KDM3A: variants seen among roughly 807,000 people sequenced by gnomAD.
KDM3A encodes the protein lysine-specific demethylase 3A.
In KDM3A, 60 loss-of-function variants were observed where a neutral mutation model predicts 158.0. The ratio of observed to expected loss-of-function variants is 0.38; its 90% CI spans 0.31 to 0.47. The LOEUF is 0.47. KDM3A is among the 20% of genes least tolerant of loss of function. The pLI is 0.99. For missense variants in KDM3A, 1,319 were observed against 1,574.3 expected (o/e 0.84, Z 2.74); for synonymous variants, 608 against 549.3 (o/e 1.11, Z -1.49).
chr2:86,441,891 G>C (rs1173167225), intron 1 of KDM3A, 127 bp from the exon 2 acceptor site: 1 of 512,042 alleles, frequency 2.0e-6, no homozygotes, highest in Non-Finnish European at 3.1e-6. Flanking sequence ...AGGGGGGCTC[G>C]GTGCGGGTCC....
In KDM3A at chr2:86,492,129, A is replaced by C; in HGVS notation, c.*10A>C. ...TTTTGGCAAACCTTAATCTCCCTGCACATTGGAAATGAATTACAGGCAGCT... is the reference window on the plus strand; with the variant it reads ...TTTTGGCAAACCTTAATCTCCCTGCCCATTGGAAATGAATTACAGGCAGCT... On this transcript the variant is annotated 3_prime_UTR_variant, in exon 26 of 26. Transcript: ENST00000312912. 6.2e-7 allele frequency: 1 copy of C among 1,601,562 alleles called. No homozygotes were observed. Among genetic ancestry groups the C allele is most frequent in the Non-Finnish European group, 8.6e-7 (1 of 1,168,978 alleles).
At position 86,478,025 on chromosome 2, in the gene KDM3A, A is replaced by G. The variant is rs1476563496; in HGVS notation, c.2088A>G (p.Gln696=). The G allele has an allele frequency of 1.2e-6, 2 of 1,614,060 alleles. No individual in the cohort carries two copies. Among genetic ancestry groups the G allele is most frequent in the African/African-American group, 2.7e-5 (2 of 74,940 alleles). The part of the protein sequence containing the change: ...DCYRMKRKNC[Q]QGAAYKTFSW... ...ACCGGATGAAGAGAAAGAATTGCCA[A>G]CAGGGTGAGAACCGATTTGATTCTC... Residue 696 remains glutamine (Q), a synonymous_variant, in exon 13 of 26, where the codon CAA becomes CAG. Transcript: ENST00000312912.
At chr2:86,464,923 T>C (rs1276724185) in intron 9 of KDM3A, among the ~76,000 whole-genome samples, 1 of 152,120 alleles carries the variant, frequency 6.6e-6, no homozygotes, top group African/African-American at 2.4e-5. Flanking sequence ...ACTGGTTCAC[T>C]GGGAAAAAGT....
At chr2:86,485,401 C>G (rs111385534) in intron 20 of KDM3A, among the ~76,000 whole-genome samples, 33 of 152,314 alleles carry the variant, frequency 2.2e-4, no homozygotes, top group African/African-American at 7.7e-4. Flanking sequence ...CTGGGTAGAT[C>G]TATTTTCCTG....
intron 10 of KDM3A, 64 bp downstream of exon 10, chr2:86,466,947 C>T (rs1673182337): frequency 7.8e-7 from 1 of 1,277,820 alleles, no homozygotes; most frequent in South Asian, 1.5e-5. Context: ...ATATCTCTTT[C>T]TTGTCCTATG....
At chr2:86,473,018 C>T (rs968205006) in intron 11 of KDM3A, among the ~76,000 whole-genome samples, 3 of 152,196 alleles carry the variant, frequency 2.0e-5, no homozygotes, top group African/African-American at 7.2e-5. Flanking sequence ...TCATAGTCAG[C>T]AGTCAGCACT....
At chr2:86,481,031 A>T (rs1333152116) in intron 16 of KDM3A, among the ~76,000 whole-genome samples, 1 of 152,234 alleles carries the variant, frequency 6.6e-6, no homozygotes, top group East Asian at 1.9e-4. Context: ...AAAAGAATTC[A>T]AGTTTTTCAA....
At chr2:86,489,235 C>T in intron 21 of KDM3A, 83 bp from the exon 22 acceptor site, 1 of 1,473,522 alleles carries the variant, frequency 6.8e-7, no homozygotes, top group East Asian at 2.3e-5. Flanking sequence ...AATCAGGGAC[C>T]TACCATCCCC....
chr2:86,464,634 A>G (rs766902169), intron 9 of KDM3A, among the ~76,000 whole-genome samples: 13 of 152,250 alleles, frequency 8.5e-5, no homozygotes, highest in Admixed American at 4.6e-4. Flanking sequence ...ATTTGGCAGT[A>G]GAGAGGACTC....
At chr2:86,485,695 C>CGG (rs757107185) in intron 20 of KDM3A, 34 bp from the exon 21 acceptor site, 1 of 1,606,928 alleles carries the variant, frequency 6.2e-7, no homozygotes, top group Admixed American at 1.7e-5. Context: ...GAAAAGCAAT[C>CGG]TAACTTTGCA....
intron 8 of KDM3A, among the ~76,000 whole-genome samples, chr2:86,459,988 G>C (rs371611526): frequency 6.6e-6 from 1 of 152,174 alleles, no homozygotes; most frequent in South Asian, 2.1e-4. Flanking sequence ...GAAGTCGAAG[G>C]TGGATTTTTA....
At chr2:86,455,294 CTTTTT>C in intron 5 of KDM3A, 107 bp downstream of exon 5, 6 of 538,420 alleles carry the variant, frequency 1.1e-5, no homozygotes, top group Admixed American at 4.1e-5. Flanking sequence ...TTTCTTTTTT[CTTTTT>C]TTTTTTTTTT....
chr2:86,441,903 C>G (rs2104613291), intron 1 of KDM3A, 115 bp from the exon 2 acceptor site: 1 of 764,458 alleles, frequency 1.3e-6, no homozygotes, highest in South Asian at 1.8e-5. Context: ...TGCGGGTCCG[C>G]CCGGGGCCGC....
intron 10 of KDM3A, 50 bp downstream of exon 10, chr2:86,466,933 A>G (rs988428096): frequency 1.2e-5 from 17 of 1,366,594 alleles, no homozygotes; most frequent in Non-Finnish European, 1.7e-5. Flanking sequence ...AATGGTAGAT[A>G]TATATATCTC....
intron 18 of KDM3A, chr2:86,482,952 C>G: frequency 2.2e-6 from 1 of 459,050 alleles, no homozygotes. Flanking sequence ...CGAGGGCATC[C>G]AGGCTTGGTG....
In KDM3A at chr2:86,482,652, G is replaced by A. The variant is rs763627688; in HGVS notation, c.2880G>A (p.Lys960=). 1 of 1,614,108 alleles carries A rather than the reference G, an allele frequency of 6.2e-7. No individual in the cohort carries two copies. Residue 960 remains lysine (K), a synonymous_variant, in exon 18 of 26, where the codon AAG becomes AAA. Transcript: ENST00000312912. Reference sequence around the variant, plus strand: ...TGTGCTTGCAAGACCCCAACAATAAGAGCAACTGGAATGTGTTTAGGGAGT... The same window carrying A: ...TGTGCTTGCAAGACCCCAACAATAAAAGCAACTGGAATGTGTTTAGGGAGT... ...RLLCLQDPNN[K]SNWNVFRECW... is the part of the protein sequence containing the mutation.
At chr2:86,468,958 CCTT>C (rs1471007047) in intron 10 of KDM3A, among the ~76,000 whole-genome samples, 3 of 152,184 alleles carry the variant, frequency 2.0e-5, no homozygotes, top group Admixed American at 1.3e-4. Context: ...GATAAGATAA[CCTT>C]CTTGCCTGTG....
At chr2:86,482,141 G>A in intron 17 of KDM3A, 39 bp downstream of exon 17, 1 of 1,590,092 alleles carries the variant, frequency 6.3e-7, no homozygotes, top group Non-Finnish European at 8.6e-7. Context: ...TTTTAAAGTT[G>A]AAGACAGAAC....
intron 16 of KDM3A, 110 bp downstream of exon 16, chr2:86,480,472 AG>A (rs1486266080): frequency 1.1e-6 from 1 of 902,646 alleles, no homozygotes; most frequent in Non-Finnish European, 1.7e-6. Context: ...GCTTCTCTGG[AG>A]TCATCCTGGA....
Sources: allele counts gnomAD v4.1 joint callset (sites outside exome capture counted in the v4.1 genomes callset), GRCh38; gene constraint gnomAD v4.1.1; transcripts MANE v1.5; gene names NCBI Gene and HGNC (gene_info 2026-07-23, HGNC 2026-07-21).